KYAT3: variants seen among roughly 807,000 people sequenced by gnomAD.
KYAT3 encodes the protein kynurenine--oxoglutarate transaminase 3.
In KYAT3, 50 loss-of-function variants were observed where a neutral mutation model predicts 59.0. The ratio of observed to expected loss-of-function variants is 0.85; its 90% confidence interval spans 0.68 to 1.07. KYAT3 has a LOEUF of 1.07. KYAT3 is among the 50% of genes least tolerant of loss of function. KYAT3 has a pLI of 0.00. For synonymous variants in KYAT3, 148 were observed against 177.0 expected (o/e 0.84, Z 1.30); for missense variants, 497 against 533.3 (o/e 0.93, Z 0.67).
At position 88,961,479 on chromosome 1, in the gene KYAT3, T is replaced by G. The variant is rs780151984; in HGVS notation, c.568A>C (p.Ser190Arg). The G allele has an allele frequency of 3.1e-6, 5 of 1,612,432 alleles. No homozygotes were observed. In the East Asian group the frequency reaches 8.9e-5, roughly 29 times the overall value. ...TGAGGATCTAATGTCCAGTCAGAACTAGACCATCTTTTTCCATAAACAGGT... is the reference window on the plus strand; with the variant it reads ...TGAGGATCTAATGTCCAGTCAGAACGAGACCATCTTTTTCCATAAACAGGT... Reference protein sequence around the residue: ...SKPVYGKRWSSSDWTLDPQEL... With the variant: ...SKPVYGKRWSRSDWTLDPQEL... Residue 190 changes from serine to arginine, a missense_variant, in exon 7 of 14, where the codon AGT becomes CGT. By Grantham distance (110) the Ser-to-Arg change is moderately radical (BLOSUM62 -1). Transcript: ENST00000260508.
chr1:88,958,547 C>T (rs1676013609), intron 8 of KYAT3, among the ~76,000 whole-genome samples: 1 of 152,002 alleles, frequency 6.6e-6, no homozygotes, highest in African/African-American at 2.4e-5. Flanking sequence ...TTTAAAAAAT[C>T]AATGTTAAGT....
At chr1:88,977,632 C>T (rs1432230114) in intron 2 of KYAT3, among the ~76,000 whole-genome samples, 2 of 152,218 alleles carry the variant, frequency 1.3e-5, no homozygotes, top group Non-Finnish European at 2.9e-5. Flanking sequence ...AGCCACTGCA[C>T]TTGGCAGAAA....
the KYAT3 span, chr1:88,923,233 T>C: frequency 2.0e-5 from 3 of 152,220 alleles, no homozygotes; most frequent in Non-Finnish European, 4.4e-5. Flanking sequence ...TTAGAAAGCT[T>C]ATTTTGGTCT....
chr1:88,949,345 T>C, intron 10 of KYAT3, 68 bp from the exon 11 acceptor site: 5 of 1,121,838 alleles, frequency 4.5e-6, no homozygotes, highest in Non-Finnish European at 6.2e-6. Flanking sequence ...AGTTTATTGG[T>C]ATAATAAATA....
At chr1:88,934,996 T>C (rs1368948575), downstream of KYAT3, among the ~76,000 whole-genome samples, 20 of 148,120 alleles carry the variant, frequency 1.4e-4, no homozygotes, top group African/African-American at 4.7e-4. Context: ...GTGATTTTTT[T>C]TTTTTTTTTT....
chr1:88,978,774 G>C (rs1324467376), intron 2 of KYAT3, among the ~76,000 whole-genome samples: 1 of 151,318 alleles, frequency 6.6e-6, no homozygotes, highest in Non-Finnish European at 1.5e-5. Flanking sequence ...GCCTCTCAAA[G>C]TGCTGGGATT....
rs545338107 is a variant in KYAT3 at position 88,974,542 on chromosome 1, C to T, written c.100-5075G>A. ...AGGCCGTAGTGCAGTGGCATGATCT[C>T]GGCTCACTGCAACCTCTGCCTCTTG... On this transcript the variant is annotated intron_variant, in intron 2 of 13. Transcript: ENST00000260508. Among the ~76,000 whole-genome samples the T allele has an allele frequency of 1.2e-4, 16 of 139,016 alleles. No homozygotes were observed. In the South Asian group the frequency reaches 1.4e-3, roughly 12 times the overall value. The allele number at this position is 139,016 out of a possible 152,430, so 91.2% of individuals were successfully genotyped here. A position where few individuals can be genotyped will look rare whatever the true frequency, so the allele number is the denominator to read the frequency against.
chr1:88,964,275 T>A (rs1449994624), intron 5 of KYAT3, among the ~76,000 whole-genome samples: 1 of 152,162 alleles, frequency 6.6e-6, no homozygotes, highest in Non-Finnish European at 1.5e-5. Flanking sequence ...ACAAAGACAT[T>A]GATCAAAAAC....
At chr1:88,923,666 G>T in the KYAT3 span, 1 of 208,892 alleles carries the variant, frequency 4.8e-6, no homozygotes, top group Non-Finnish European at 9.5e-6. Context: ...AGAGGATAAT[G>T]GACTTCAGAA....
chr1:88,925,317 C>G, the KYAT3 span, among the ~76,000 whole-genome samples: 1 of 152,226 alleles, frequency 6.6e-6, no homozygotes, highest in Non-Finnish European at 1.5e-5. Context: ...CCCTCTGACC[C>G]ATACCTCCTG....
At chr1:88,989,486 C>T (rs765684633) in intron 1 of KYAT3, among the ~76,000 whole-genome samples, 6 of 152,234 alleles carry the variant, frequency 3.9e-5, no homozygotes, top group South Asian at 2.1e-4. Flanking sequence ...AAGCAAGTAG[C>T]GGGAACCCTC....
intron 2 of KYAT3, among the ~76,000 whole-genome samples, chr1:88,970,547 T>G (rs1345325399): frequency 1.9e-4 from 29 of 152,166 alleles, no homozygotes; most frequent in Admixed American, 1.9e-3. Context: ...TAATAAGACC[T>G]TCTAAAAATA....
chr1:88,930,403 G>GA, the KYAT3 span, among the ~76,000 whole-genome samples: 1 of 151,662 alleles, frequency 6.6e-6, no homozygotes, highest in East Asian at 1.9e-4. Flanking sequence ...AGACAATGAA[G>GA]AAAAAAATAG....
intron 13 of KYAT3, among the ~76,000 whole-genome samples, chr1:88,939,122 T>C (rs938310672): frequency 1.3e-5 from 2 of 152,190 alleles, no homozygotes; most frequent in Admixed American, 6.5e-5. Context: ...AGAGATAAAA[T>C]TTCTTTGCAG....
intron 10 of KYAT3, among the ~76,000 whole-genome samples, chr1:88,950,225 G>A (rs998477264): frequency 2.0e-5 from 3 of 152,190 alleles, no homozygotes; most frequent in African/African-American, 7.2e-5. Flanking sequence ...TTAAGGACCA[G>A]GCAGGTAAGA....
the KYAT3 span, among the ~76,000 whole-genome samples, chr1:88,925,746 GAGAT>G: frequency 6.6e-6 from 1 of 151,362 alleles, no homozygotes; most frequent in African/African-American, 2.4e-5. Flanking sequence ...AGAGACAGAG[GAGAT>G]AGAGAGAGAG....
At chr1:88,937,259 G>A (rs1481632760) in intron 13 of KYAT3, among the ~76,000 whole-genome samples, 1 of 152,188 alleles carries the variant, frequency 6.6e-6, no homozygotes, top group Admixed American at 6.5e-5. Context: ...AGGTCGGCAT[G>A]GGTGATAAAG....
At chr1:88,990,101 T>TA (rs1279186291) in intron 1 of KYAT3, among the ~76,000 whole-genome samples, 7 of 152,142 alleles carry the variant, frequency 4.6e-5, no homozygotes, top group South Asian at 4.1e-4. Flanking sequence ...TTCCCAAATC[T>TA]AAAAAATCCT....
chr1:88,930,467 C>A, the KYAT3 span, among the ~76,000 whole-genome samples: 1 of 151,992 alleles, frequency 6.6e-6, no homozygotes, highest in Non-Finnish European at 1.5e-5. Flanking sequence ...AGGGGACCTT[C>A]TAGAGGTTCC....
Sources: allele counts gnomAD v4.1 joint callset (sites outside exome capture counted in the v4.1 genomes callset), GRCh38; gene constraint gnomAD v4.1.1; transcripts MANE v1.5; gene names NCBI Gene and HGNC (gene_info 2026-07-23, HGNC 2026-07-21).